PRH1: variants seen among roughly 807,000 people sequenced by gnomAD.
The protein encoded by PRH1 is salivary acidic proline-rich phosphoprotein 1/2.
Under a neutral mutation model 7.9 loss-of-function variants are expected in PRH1, and 7 were observed. The ratio of observed to expected loss-of-function variants is 0.89; its 90% CI spans 0.50 to 1.67. The LOEUF (loss-of-function observed/expected upper bound fraction) is 1.67, where lower values mean the gene tolerates loss of function less well. PRH1 is among the 40% of genes most tolerant of loss of function. PRH1 has a pLI of 0.00. For missense variants in PRH1, 109 were observed against 223.6 expected (o/e 0.49, Z 3.27); for synonymous variants, 45 against 80.8 (o/e 0.56, Z 2.38).
At chr12:10,924,990 G>A (rs1177290669) in intron 2 of PRH1, among the ~76,000 whole-genome samples, 1 of 152,098 alleles carries the variant, frequency 6.6e-6, no homozygotes, top group Non-Finnish European at 1.5e-5. Context: ...GGTGTTTTGT[G>A]TCTCTATCTC....
chr12:11,033,092 C>A (rs1358261467), intron 1 of PRH1, among the ~76,000 whole-genome samples: 2 of 152,038 alleles, frequency 1.3e-5, no homozygotes, highest in Non-Finnish European at 2.9e-5. Flanking sequence ...TCCACCAAAC[C>A]CAGCTTAGAA....
At chr12:10,922,889 C>T (rs1224858977) in intron 2 of PRH1, among the ~76,000 whole-genome samples, 1 of 119,606 alleles carries the variant, frequency 8.4e-6, no homozygotes, top group African/African-American at 2.8e-5. Flanking sequence ...ACTGCAGTGG[C>T]GCAATCTCGG....
chr12:10,976,137 T>C (rs1245280918), intron 1 of PRH1, among the ~76,000 whole-genome samples: 1 of 152,168 alleles, frequency 6.6e-6, no homozygotes, highest in Non-Finnish European at 1.5e-5. Flanking sequence ...CATCTGTACA[T>C]GGCATGTAAT....
intron 2 of PRH1, among the ~76,000 whole-genome samples, chr12:10,936,650 T>A (rs1483592705): frequency 4.6e-5 from 7 of 152,188 alleles, no homozygotes; most frequent in African/African-American, 1.4e-4. Flanking sequence ...TTACTTTCCA[T>A]ATTCTAGAAT....
intron 2 of PRH1, among the ~76,000 whole-genome samples, chr12:10,968,027 G>C (rs1051966245): frequency 7.2e-5 from 11 of 152,338 alleles, no homozygotes; most frequent in Admixed American, 6.5e-4. Context: ...GTTGCAATGA[G>C]CTGAGATGGA....
At chr12:11,082,983 G>C (rs905652584) in intron 1 of PRH1, among the ~76,000 whole-genome samples, 23 of 101,542 alleles carry the variant, frequency 2.3e-4, no homozygotes, top group Non-Finnish European at 4.5e-4. Context: ...ATGTTTTAAG[G>C]CTTAACAAAA....
upstream of PRH1, chr12:11,048,303 A>G (rs1349645304): frequency 4.3e-6 from 1 of 233,870 alleles, no homozygotes; most frequent in Admixed American, 4.8e-5. Context: ...CAGCTAAAAG[A>G]TACACAATGC....
chr12:11,146,744 T>A (rs1946872433), intron 1 of PRH1, among the ~76,000 whole-genome samples: 2 of 152,320 alleles, frequency 1.3e-5, no homozygotes, highest in Non-Finnish European at 2.9e-5. Flanking sequence ...CTATTTTTTG[T>A]GATACAAGTT....
intron 1 of PRH1, among the ~76,000 whole-genome samples, chr12:11,013,160 T>C (rs1270796766): frequency 6.6e-6 from 1 of 152,088 alleles, no homozygotes; most frequent in Non-Finnish European, 1.5e-5. Flanking sequence ...TAAATCTTGA[T>C]AAAATAACAC....
chr12:10,915,831 A>C (rs147306498), intron 2 of PRH1, among the ~76,000 whole-genome samples: 1 of 152,164 alleles, frequency 6.6e-6, no homozygotes, highest in Non-Finnish European at 1.5e-5. Context: ...AAGCATCCCC[A>C]TCGCGTTCCC....
At chr12:11,080,643 G>C (rs1287222544) in intron 1 of PRH1, among the ~76,000 whole-genome samples, 1,351 of 53,874 alleles carry the variant, frequency 0.025, 4 homozygotes, top group Admixed American at 0.04. Flanking sequence ...TTCAATCCAG[G>C]AAGACACTAT....
Position 11,103,816 on chromosome 12 carries a change from T to A in PRH1, n.124-56628A>T, listed in dbSNP as rs369492799. On this transcript the variant is annotated intron_variant and non_coding_transcript_variant, in intron 1 of 4. Transcript: ENST00000541977. ...TAAATGCTCAAGAATGTTAGTGGCA[T>A]TACTGTTACTGTGGCTGTTTATTGT... Among the ~76,000 whole-genome samples the A allele has an allele frequency of 5.9e-4, 89 of 151,714 alleles. 3 individuals carry two copies. The South Asian group carries it at 0.018, about 31-fold the overall frequency.
At chr12:11,153,487 G>T (rs1947164376) in intron 1 of PRH1, among the ~76,000 whole-genome samples, 1 of 152,152 alleles carries the variant, frequency 6.6e-6, no homozygotes, top group African/African-American at 2.4e-5. Flanking sequence ...TGTAATGGCA[G>T]ATCCCAAAGA....
chr12:11,149,819 G>C (rs905393866), intron 1 of PRH1, among the ~76,000 whole-genome samples: 4,795 of 133,550 alleles, frequency 0.036, 407 homozygotes, highest in African/African-American at 0.12. Context: ...ATTGACAAAT[G>C]GGATCTCATT....
chr12:10,978,294 T>A (rs561696981), intron 1 of PRH1, among the ~76,000 whole-genome samples: 1 of 151,956 alleles, frequency 6.6e-6, no homozygotes, highest in South Asian at 2.1e-4. Context: ...TTCAACAAAG[T>A]TAAGAAAAAC....
At chr12:11,134,242 C>A (rs564548213) in intron 1 of PRH1, 6 of 1,604,776 alleles carry the variant, frequency 3.7e-6, no homozygotes, top group Non-Finnish European at 5.1e-6. Context: ...GAAAAGTTAT[C>A]ATGTCTGAAC....
intron 1 of PRH1, among the ~76,000 whole-genome samples, chr12:11,037,842 C>A (rs1232527397): frequency 1.3e-5 from 2 of 152,112 alleles, no homozygotes; most frequent in Non-Finnish European, 2.9e-5. Flanking sequence ...GAGTTCAAGC[C>A]CAGCCTGGGC....
chr12:10,981,365 A>ATT lies in PRH1; in HGVS notation c.-125-7646_-125-7645dup, dbSNP rs528019045. ...TACGGTGGCAAATTTTTACTTCTGG[A>ATT]TTTTTTTTTTTTTTTTTTTTTTTTT... On this transcript the variant is annotated intron_variant, in intron 1 of 3. Transcript: ENST00000539853. 3.7e-3 allele frequency among the ~76,000 whole-genome samples: 416 copies of ATT among 111,568 alleles called. 9 individuals are homozygous for ATT. Among genetic ancestry groups the ATT allele is most frequent in the African/African-American group, 6.8e-3 (201 of 29,372 alleles). The allele number at this position is 111,568 out of a possible 152,430, so 73.2% of individuals were successfully genotyped here.
At chr12:10,915,025 G>A (rs1162362250) in intron 2 of PRH1, among the ~76,000 whole-genome samples, 1 of 152,208 alleles carries the variant, frequency 6.6e-6, no homozygotes, top group Admixed American at 6.5e-5. Context: ...CTACTTGGGA[G>A]GCTGAGGCAG....
Sources: allele counts gnomAD v4.1 joint callset (sites outside exome capture counted in the v4.1 genomes callset), GRCh38; gene constraint gnomAD v4.1.1; transcripts MANE v1.5; gene names NCBI Gene and HGNC (gene_info 2026-07-23, HGNC 2026-07-21).